The following KLHL13 variants were observed in gnomAD, a reference collection of about 807,000 sequenced individuals.
KLHL13 encodes kelch like family member 13, also known as kelch-like protein 13.
KLHL13 carries 10 observed loss-of-function variants against 37.1 expected under a neutral mutation model. The ratio of observed to expected loss-of-function variants is 0.27; its 90% CI spans 0.17 to 0.46. The LOEUF is 0.46. KLHL13 is among the 20% of genes least tolerant of loss of function. The pLI is 1.00. For synonymous variants in KLHL13, 163 were observed against 181.2 expected (o/e 0.90, Z 0.81); for missense variants, 360 against 509.3 (o/e 0.71, Z 2.82).
chrX:118,040,566 TAGTCTCAAA>T (rs1235434054), intron 1 of KLHL13, among the ~76,000 whole-genome samples: 1 of 110,774 alleles, frequency 9.0e-6, no homozygotes, highest in Non-Finnish European at 1.9e-5. Flanking sequence ...ATCTAGAAAA[TAGTCTCAAA>T]AGGGCAAATC....
At chrX:118,001,811 T>A (rs1229539191) in intron 1 of KLHL13, among the ~76,000 whole-genome samples, 2 of 106,716 alleles carry the variant, frequency 1.9e-5, no homozygotes, top group Non-Finnish European at 3.9e-5. Flanking sequence ...GTTGCAGTGA[T>A]TGTGCAAGCC....
chrX:118,078,395 T>C (rs1402912400), intron 1 of KLHL13, among the ~76,000 whole-genome samples: 1 of 111,420 alleles, frequency 9.0e-6, no homozygotes, highest in African/African-American at 3.3e-5. Context: ...TGTCCAAATT[T>C]CCTTGATGTG....
At chrX:117,965,878 T>G (rs1419349026) in intron 1 of KLHL13, among the ~76,000 whole-genome samples, 1 of 111,599 alleles carries the variant, frequency 9.0e-6, no homozygotes, top group African/African-American at 3.3e-5. Flanking sequence ...AAACTCTCAA[T>G]AAATTAGGTA....
At chrX:117,925,083 T>A (rs915498829) in intron 2 of KLHL13, among the ~76,000 whole-genome samples, 26 of 111,336 alleles carry the variant, frequency 2.3e-4, no homozygotes, top group African/African-American at 8.4e-4. Flanking sequence ...AATGATCATA[T>A]TAAAACAGAA....
chrX:118,087,760 T>G (rs1423406709), intron 1 of KLHL13, among the ~76,000 whole-genome samples: 3 of 111,684 alleles, frequency 2.7e-5, no homozygotes, highest in African/African-American at 9.8e-5. Flanking sequence ...TCTGCTCCAG[T>G]AGACTCTTTG....
chrX:117,901,741 AATT>A (rs34200712), intron 6 of KLHL13, 89 bp downstream of exon 7: 25,912 of 419,105 alleles, frequency 0.062, 692 homozygotes, highest in Middle Eastern at 0.11. Flanking sequence ...CTGACGCCTG[AATT>A]ATTATTATTA....
At chrX:117,982,188 A>T (rs1220796556) in intron 1 of KLHL13, among the ~76,000 whole-genome samples, 3 of 110,174 alleles carry the variant, frequency 2.7e-5, no homozygotes, top group Non-Finnish European at 1.9e-5. Flanking sequence ...GTGTAAATAC[A>T]TTGTTACAGT....
At chrX:118,079,180 C>T (rs746065564) in intron 1 of KLHL13, among the ~76,000 whole-genome samples, 9 of 109,704 alleles carry the variant, frequency 8.2e-5, no homozygotes, top group African/African-American at 9.9e-5. Flanking sequence ...ATTGTAAATT[C>T]GCAGAAAAAG....
chrX:118,054,827 T>C (rs1237373880), intron 1 of KLHL13, among the ~76,000 whole-genome samples: 2 of 111,473 alleles, frequency 1.8e-5, no homozygotes, highest in Non-Finnish European at 3.8e-5. Context: ...ATAGATGAAA[T>C]ACTGTTTAAC....
chrX:117,966,356 T>C (rs1455440242), intron 1 of KLHL13, among the ~76,000 whole-genome samples: 1 of 110,655 alleles, frequency 9.0e-6, no homozygotes, highest in Non-Finnish European at 1.9e-5. Context: ...TTACAAGGGA[T>C]GTGAAGGACC....
At chrX:118,074,598 T>C (rs1273539187) in intron 1 of KLHL13, among the ~76,000 whole-genome samples, 1 of 111,677 alleles carries the variant, frequency 9.0e-6, no homozygotes, top group Admixed American at 9.5e-5. Context: ...ATGGCAAACA[T>C]TTTCCACTGG....
At chrX:117,924,123 C>A (rs192414558) in intron 2 of KLHL13, among the ~76,000 whole-genome samples, 1 of 111,773 alleles carries the variant, frequency 8.9e-6, no homozygotes, top group African/African-American at 3.2e-5. Flanking sequence ...GAATTTTATT[C>A]TACGTTATGT....
intron 1 of KLHL13, chrX:117,985,462 A>C: frequency 1.3e-6 from 1 of 784,044 alleles, no homozygotes; most frequent in African/African-American, 2.2e-5. Flanking sequence ...AAAAAAAAAA[A>C]AACCTATGTA....
intron 2 of KLHL13, among the ~76,000 whole-genome samples, chrX:117,941,155 G>C (rs892784213): frequency 8.9e-6 from 1 of 111,799 alleles, no homozygotes; most frequent in Admixed American, 9.5e-5. Context: ...TAGGATGAAG[G>C]TGTGTTGAAT....
At chrX:118,046,338 A>G (rs753057079) in intron 1 of KLHL13, among the ~76,000 whole-genome samples, 55 of 112,206 alleles carry the variant, frequency 4.9e-4, no homozygotes, top group Middle Eastern at 4.7e-3. Context: ...GCTAAAAATT[A>G]AAATGATTGA....
intron 5 of KLHL13, among the ~76,000 whole-genome samples, chrX:117,906,510 A>G (rs1439257015): frequency 9.0e-6 from 1 of 111,211 alleles, no homozygotes; most frequent in Non-Finnish European, 1.9e-5. Flanking sequence ...TGAGTATAAC[A>G]TAGAAAGAAC....
At chrX:117,918,382 A>C (rs886685575) in intron 4 of KLHL13, among the ~76,000 whole-genome samples, 2 of 111,794 alleles carry the variant, frequency 1.8e-5, no homozygotes, top group African/African-American at 6.5e-5. Context: ...TAGTGTTTTA[A>C]AGAAGGTTCC....
chrX:118,099,273 CAA>C (rs775783797), intron 1 of KLHL13, among the ~76,000 whole-genome samples: 1 of 110,870 alleles, frequency 9.0e-6, no homozygotes, highest in East Asian at 2.8e-4. Flanking sequence ...GAAGGTTTCC[CAA>C]AAAAAGTTGT....
intron 1 of KLHL13, among the ~76,000 whole-genome samples, chrX:118,100,177 T>C (rs2428314): frequency 0.037 from 4,126 of 111,514 alleles, 218 homozygotes; most frequent in African/African-American, 0.13. Flanking sequence ...TTTCACTTTC[T>C]ACAAAACAAT....
Sources: gnomAD v4.1 joint callset for allele counts (sites outside exome capture counted in the v4.1 genomes callset) on GRCh38, gnomAD v4.1.1 for gene constraint, MANE v1.5 for transcripts, NCBI Gene and HGNC (gene_info 2026-07-23, HGNC 2026-07-21) for gene names.